Variants in LRRC3B observed in about 807,000 individuals in gnomAD.
The protein encoded by LRRC3B is leucine-rich repeat-containing protein 3B.
In LRRC3B, 2 loss-of-function variants were observed where a neutral mutation model predicts 12.8. The observed-to-expected ratio is 0.16, with a 90% CI of 0.06 to 0.49. The LOEUF (loss-of-function observed/expected upper bound fraction) is 0.49. LRRC3B is among the 20% of genes least tolerant of loss of function. The pLI is 0.96. For synonymous variants in LRRC3B, 132 were observed against 122.0 expected (o/e 1.08, Z -0.54); for missense variants, 189 against 319.4 (o/e 0.59, Z 3.11).
At chr3:26,662,502 T>C (rs972430283) in intron 1 of LRRC3B, among the ~76,000 whole-genome samples, 2 of 152,086 alleles carry the variant, frequency 1.3e-5, no homozygotes, top group Non-Finnish European at 2.9e-5. Flanking sequence ...CTGAAATCTC[T>C]CTACCGCTAA....
chr3:26,691,105 G>GTGTATATATATA (rs372629683), intron 1 of LRRC3B, among the ~76,000 whole-genome samples: 2,242 of 84,688 alleles, frequency 0.026, 93 homozygotes, highest in African/African-American at 0.072. Context: ...GTGTGTGTGT[G>GTGTATATATATA]TATATATATA....
At chr3:26,636,263 G>A (rs908018349) in intron 1 of LRRC3B, among the ~76,000 whole-genome samples, 1 of 152,160 alleles carries the variant, frequency 6.6e-6, no homozygotes, top group Non-Finnish European at 1.5e-5. Flanking sequence ...ATTACAGGAA[G>A]GGAATTCTAA....
intron 1 of LRRC3B, among the ~76,000 whole-genome samples, chr3:26,692,646 G>A (rs1056749460): frequency 1.3e-5 from 2 of 152,180 alleles, no homozygotes; most frequent in South Asian, 4.1e-4. Context: ...TCTGTTAGTT[G>A]TTAGTGTATA....
chr3:26,643,938 T>C (rs1248452707), intron 1 of LRRC3B, among the ~76,000 whole-genome samples: 1 of 152,192 alleles, frequency 6.6e-6, no homozygotes, highest in Non-Finnish European at 1.5e-5. Flanking sequence ...CATGCACAAG[T>C]ATGCACACAC....
intron 1 of LRRC3B, among the ~76,000 whole-genome samples, chr3:26,677,690 TTCAACCAAA>T: frequency 6.6e-6 from 1 of 152,326 alleles, no homozygotes; most frequent in Middle Eastern, 3.4e-3. Flanking sequence ...CATTCTTATT[TTCAACCAAA>T]GAAACACATG....
At chr3:26,635,043 T>C (rs1698836488) in intron 1 of LRRC3B, among the ~76,000 whole-genome samples, 1 of 152,206 alleles carries the variant, frequency 6.6e-6, no homozygotes. Flanking sequence ...ATACCTAACT[T>C]ACAGAAGCAC....
At chr3:26,650,676 T>C (rs905424811) in intron 1 of LRRC3B, among the ~76,000 whole-genome samples, 1 of 152,234 alleles carries the variant, frequency 6.6e-6, no homozygotes, top group Non-Finnish European at 1.5e-5. Flanking sequence ...TAGTTACTAT[T>C]AAATTTTAAT....
intron 1 of LRRC3B, among the ~76,000 whole-genome samples, chr3:26,662,338 C>T (rs1450912755): frequency 6.6e-6 from 1 of 152,108 alleles, no homozygotes; most frequent in Non-Finnish European, 1.5e-5. Context: ...TGATATTCAT[C>T]TGATATGCAT....
At chr3:26,663,656 G>A (rs999952349) in intron 1 of LRRC3B, among the ~76,000 whole-genome samples, 5 of 152,110 alleles carry the variant, frequency 3.3e-5, no homozygotes, top group African/African-American at 7.2e-5. Flanking sequence ...GTAAGGGGGC[G>A]ATTCTCAGTG....
chr3:26,627,921 A>G (rs3907440), intron 1 of LRRC3B, among the ~76,000 whole-genome samples: 1 of 152,150 alleles, frequency 6.6e-6, no homozygotes, highest in African/African-American at 2.4e-5. Flanking sequence ...AAGTGTGACA[A>G]TATCCAAAAG....
At chr3:26,700,244 T>A (rs2125458076) in intron 1 of LRRC3B, among the ~76,000 whole-genome samples, 1 of 152,182 alleles carries the variant, frequency 6.6e-6, no homozygotes, top group South Asian at 2.1e-4. Flanking sequence ...GGAAAAGGGG[T>A]TGTCTCCCTC....
At chr3:26,664,008 C>T (rs1472399167) in intron 1 of LRRC3B, among the ~76,000 whole-genome samples, 1 of 152,116 alleles carries the variant, frequency 6.6e-6, no homozygotes, top group Non-Finnish European at 1.5e-5. Context: ...CCTACCAGCA[C>T]ATACCTGTCA....
chr3:26,634,718 C>A (rs964027053), intron 1 of LRRC3B, among the ~76,000 whole-genome samples: 4 of 152,184 alleles, frequency 2.6e-5, no homozygotes, highest in Non-Finnish European at 5.9e-5. Flanking sequence ...CCTTTCCATT[C>A]CAGGTTGGCT....
intron 1 of LRRC3B, among the ~76,000 whole-genome samples, chr3:26,684,838 A>G (rs1700040415): frequency 6.6e-6 from 1 of 152,184 alleles, no homozygotes; most frequent in Non-Finnish European, 1.5e-5. Context: ...TCAGAGTGGA[A>G]CTCATTATTC....
chr3:26,690,064 A>G (rs750694458), intron 1 of LRRC3B, among the ~76,000 whole-genome samples: 9 of 152,226 alleles, frequency 5.9e-5, no homozygotes, highest in Non-Finnish European at 1.3e-4. Context: ...AGCAAAAGCC[A>G]TAGGCATGGT....
Position 26,670,928 on chromosome 3 carries a change from G to A in LRRC3B, c.-160-38585G>A, listed in dbSNP as rs1463798522. 2.0e-5 allele frequency among the ~76,000 whole-genome samples: 3 copies of A among 151,140 alleles called. No homozygotes were observed. In the East Asian group the frequency reaches 5.9e-4, roughly 30 times the overall value. On this transcript the variant is annotated intron_variant, in intron 1 of 1. Coordinates refer to ENST00000396641, the Ensembl canonical transcript of LRRC3B. ...TGGTGCTTTAGTTCTTTTATTTAAT[G>A]TGTGTTCATAGCATGCTATGGCATT...
In LRRC3B at chr3:26,709,385, T is replaced by A. The variant is rs779851646; in HGVS notation, c.-160-128T>A. 4.8e-4 allele frequency: 199 copies of A among 414,304 alleles called. 1 individual carries two copies. The highest frequency in any genetic ancestry group is 1.2e-4 in the Non-Finnish European group (27 of 229,348). The allele number at this position is 414,304 out of a possible 1,614,324, so 25.7% of individuals were successfully genotyped here. On this transcript the variant is annotated intron_variant, in intron 1 of 1. Coordinates refer to ENST00000396641, the Ensembl canonical transcript of LRRC3B. ...ATTTCGCAGATAACTCCCAGTGGCA[T>A]TGATGGAAATTACCTGCATAACTAA...
intron 1 of LRRC3B, among the ~76,000 whole-genome samples, chr3:26,670,916 C>A (rs1699706540): frequency 6.7e-6 from 1 of 148,894 alleles, no homozygotes; most frequent in Non-Finnish European, 1.5e-5. Flanking sequence ...TGCTTTAGTT[C>A]TTTTATTTAA....
chr3:26,685,523 CTATATATATATATATATATA>C (rs57407254), intron 1 of LRRC3B, among the ~76,000 whole-genome samples: 6 of 38,318 alleles, frequency 1.6e-4, no homozygotes, highest in African/African-American at 2.6e-4. Context: ...CTCTCTCTCT[CTATATATATATATATATATA>C]TATATATATA....
Sources: allele counts gnomAD v4.1 joint callset (sites outside exome capture counted in the v4.1 genomes callset), GRCh38; gene constraint gnomAD v4.1.1; transcripts MANE v1.5; gene names NCBI Gene and HGNC (gene_info 2026-07-23, HGNC 2026-07-21).